Variants in PCDH15 observed in about 807,000 individuals in gnomAD.
PCDH15 encodes the protein protocadherin related 15, also known as protocadherin-15.
A neutral mutation model predicts 178.5 loss-of-function variants in PCDH15; 129 were observed. The ratio of observed to expected loss-of-function variants is 0.72; its 90% confidence interval spans 0.63 to 0.84. The LOEUF (loss-of-function observed/expected upper bound fraction) is 0.84. Among genes scored for constraint, PCDH15 ranks in the 40% least tolerant of loss-of-function variants. The pLI, the probability that PCDH15 is intolerant of heterozygous loss-of-function variation, is 0.00. For synonymous variants in PCDH15, 800 were observed against 732.0 expected (o/e 1.09, Z -1.50); for missense variants, 2,230 against 2,099.9 (o/e 1.06, Z -1.21).
intron 2 of PCDH15, among the ~76,000 whole-genome samples, chr10:54,944,096 G>A (rs954588792): frequency 6.6e-6 from 1 of 151,854 alleles, no homozygotes; most frequent in African/African-American, 2.4e-5. Flanking sequence ...GGACCAAAAG[G>A]AGTAAAATCC....
intron 9 of PCDH15, among the ~76,000 whole-genome samples, chr10:54,230,957 G>T (rs1035242701): frequency 6.6e-6 from 1 of 152,232 alleles, no homozygotes; most frequent in South Asian, 2.1e-4. Flanking sequence ...AATACACATT[G>T]TATGATATCA....
intron 2 of PCDH15, among the ~76,000 whole-genome samples, chr10:55,383,784 A>G (rs984874656): frequency 1.3e-5 from 2 of 152,136 alleles, no homozygotes; most frequent in African/African-American, 2.4e-5. Context: ...CCAGAGTCCA[A>G]GCCATTCCCT....
intron 2 of PCDH15, among the ~76,000 whole-genome samples, chr10:55,086,664 C>A (rs1402902981): frequency 1.3e-5 from 2 of 151,942 alleles, no homozygotes; most frequent in African/African-American, 2.4e-5. Context: ...AATTGAAAGG[C>A]CCTAGACTCC....
chr10:54,480,700 G>A (rs536261608), intron 3 of PCDH15, among the ~76,000 whole-genome samples: 1 of 151,898 alleles, frequency 6.6e-6, no homozygotes, highest in East Asian at 1.9e-4. Context: ...TCAAAGCCAA[G>A]GACTGGAATT....
intron 2 of PCDH15, among the ~76,000 whole-genome samples, chr10:55,624,329 T>G (rs1043946717): frequency 1.3e-5 from 2 of 152,090 alleles, no homozygotes; most frequent in African/African-American, 4.8e-5. Flanking sequence ...AAGAATAAGC[T>G]TATAATTCAC....
chr10:54,172,376 A>C (rs2047005613), intron 13 of PCDH15, among the ~76,000 whole-genome samples: 1 of 151,812 alleles, frequency 6.6e-6, no homozygotes, highest in Non-Finnish European at 1.5e-5. Context: ...CAAATCCTAT[A>C]AAACGGCCCC....
intron 2 of PCDH15, among the ~76,000 whole-genome samples, chr10:55,089,688 T>C (rs1300526919): frequency 6.6e-6 from 1 of 152,106 alleles, no homozygotes; most frequent in Non-Finnish European, 1.5e-5. Context: ...TACAAGAATA[T>C]CTGAGGAAAA....
intron 1 of PCDH15, among the ~76,000 whole-genome samples, chr10:54,689,567 G>C (rs1007034302): frequency 6.6e-6 from 1 of 152,166 alleles, no homozygotes; most frequent in Non-Finnish European, 1.5e-5. Context: ...AAAGTTTTAA[G>C]TGGATCAATA....
chr10:55,537,913 A>C (rs1389354653), intron 2 of PCDH15, among the ~76,000 whole-genome samples: 1 of 152,234 alleles, frequency 6.6e-6, no homozygotes, highest in African/African-American at 2.4e-5. Flanking sequence ...CTATCTATAA[A>C]ATATACAATT....
chr10:54,006,090 C>A (rs1303454601), intron 20 of PCDH15, among the ~76,000 whole-genome samples: 1 of 152,048 alleles, frequency 6.6e-6, no homozygotes, highest in Non-Finnish European at 1.5e-5. Flanking sequence ...ATTTATGGAG[C>A]CATGGGAGAG....
chr10:55,273,069 A>G (rs1370384923), intron 1 of PCDH15, among the ~76,000 whole-genome samples: 1 of 152,068 alleles, frequency 6.6e-6, no homozygotes, highest in Non-Finnish European at 1.5e-5. Context: ...GTGCCTGGTG[A>G]TACTGATTTC....
At chr10:54,791,453 T>A (rs549728249) in intron 1 of PCDH15, among the ~76,000 whole-genome samples, 1 of 152,012 alleles carries the variant, frequency 6.6e-6, no homozygotes, top group South Asian at 2.1e-4. Flanking sequence ...AACCTTGACC[T>A]CTTCTTTTCT....
At chr10:54,331,714 T>A (rs1939621102) in intron 6 of PCDH15, among the ~76,000 whole-genome samples, 1 of 152,012 alleles carries the variant, frequency 6.6e-6, no homozygotes. Flanking sequence ...GTTTCTAGCA[T>A]AAATATGGAA....
intron 8 of PCDH15, among the ~76,000 whole-genome samples, chr10:54,245,046 G>T (rs1305449801): frequency 6.6e-6 from 1 of 151,966 alleles, no homozygotes; most frequent in Non-Finnish European, 1.5e-5. Context: ...TTCTATCTAG[G>T]ACCTCCTTGT....
At chr10:55,262,537 T>C (rs543899674) in intron 1 of PCDH15, among the ~76,000 whole-genome samples, 4 of 152,084 alleles carry the variant, frequency 2.6e-5, no homozygotes, top group African/African-American at 7.2e-5. Flanking sequence ...AACACATCGG[T>C]GGAAGAGTAC....
At chr10:55,267,857 G>T (rs1320502880) in intron 1 of PCDH15, among the ~76,000 whole-genome samples, 1 of 152,134 alleles carries the variant, frequency 6.6e-6, no homozygotes, top group African/African-American at 2.4e-5. Context: ...AGGTTCCACA[G>T]AAATCAATGC....
intron 2 of PCDH15, among the ~76,000 whole-genome samples, chr10:54,583,193 T>C (rs146483950): frequency 1.5e-4 from 23 of 152,250 alleles, no homozygotes; most frequent in African/African-American, 5.3e-4. Context: ...GAAAATAAAA[T>C]TATACCCTTG....
chr10:54,906,122 G>A (rs1033881228), intron 2 of PCDH15, among the ~76,000 whole-genome samples: 1 of 152,018 alleles, frequency 6.6e-6, no homozygotes, highest in African/African-American at 2.4e-5. Context: ...TAAGCAACAA[G>A]GGAGATAAAT....
At chr10:54,998,335 A>G (rs1839700062) in intron 2 of PCDH15, among the ~76,000 whole-genome samples, 1 of 152,034 alleles carries the variant, frequency 6.6e-6, no homozygotes, top group Non-Finnish European at 1.5e-5. Context: ...ACATGTATAC[A>G]TATGTAACTA....
Sources: gnomAD v4.1 joint callset for allele counts (sites outside exome capture counted in the v4.1 genomes callset) on GRCh38, gnomAD v4.1.1 for gene constraint, MANE v1.5 for transcripts, NCBI Gene and HGNC (gene_info 2026-07-23, HGNC 2026-07-21) for gene names.